The following TCF12 variants were observed in gnomAD, a reference collection of about 807,000 sequenced individuals.
TCF12 encodes the protein DNA-binding protein HTF4.
Under a neutral mutation model 86.0 loss-of-function variants are expected in TCF12, and 45 were observed. The ratio of observed to expected loss-of-function variants is 0.52; its 90% CI spans 0.41 to 0.67. TCF12 has a LOEUF of 0.67. Among genes scored for constraint, TCF12 ranks in the 30% least tolerant of loss-of-function variants. The pLI, the probability that TCF12 is intolerant of heterozygous loss-of-function variation, is 0.00. For synonymous variants in TCF12, 330 were observed against 299.6 expected (o/e 1.10, Z -1.05); for missense variants, 881 against 859.9 (o/e 1.02, Z -0.31).
At chr15:57,103,119 T>TA (rs1424554483) in intron 5 of TCF12, among the ~76,000 whole-genome samples, 7 of 152,062 alleles carry the variant, frequency 4.6e-5, no homozygotes, top group Admixed American at 2.0e-4. Context: ...TGCACAGTAA[T>TA]AAAAAAAGTA....
Position 57,275,302 on chromosome 15 carries a change from A to G in TCF12, c.1978+2040A>G, listed in dbSNP as rs529865114. Among the ~76,000 whole-genome samples the G allele has an allele frequency of 2.6e-4, 9 of 35,102 alleles. No homozygotes were observed. In the South Asian group the frequency reaches 8.4e-3, roughly 33 times the overall value. The allele number at this position is 35,102 out of a possible 152,430, so 23.0% of individuals were successfully genotyped here. ...GCCTTATCTTAGGACTTTACATAAA[A>G]GCCCAGGGATCTTTGTAAGGTAGGG... On this transcript the variant is annotated intron_variant, in intron 19 of 20. Transcript: ENST00000333725.
At position 57,232,781 on chromosome 15, in the gene TCF12, C is replaced by T. The variant is rs772390979; in HGVS notation, c.895C>T (p.Arg299Cys). The change falls in exon 11 of 21, where the codon CGC becomes TGC. Residue 299 changes from arginine (R) to cysteine (C), a missense_variant. Arg to Cys is a radical substitution (Grantham distance 180). Transcript: ENST00000333725. ...TSLPPMSSFH[R>C]GSTSSSPYVA... The stretch of plus-strand genomic sequence containing the variant: ...TCTTCCACCAATGTCCAGCTTTCAT[C>T]GCGGCAGTACCAGCAGTTCACCTTA... 5.0e-6 allele frequency: 8 copies of T among 1,612,624 alleles called. No individual in the cohort carries two copies. The Admixed American group carries it at 8.4e-5, about 17-fold the overall frequency.
chr15:57,016,864 C>G (rs1433379333), intron 3 of TCF12, among the ~76,000 whole-genome samples: 1 of 152,064 alleles, frequency 6.6e-6, no homozygotes, highest in Non-Finnish European at 1.5e-5. Context: ...ATTTATCTCT[C>G]CAGAGCAAAA....
downstream of TCF12, chr15:57,291,218 G>A (rs781317634): frequency 2.0e-5 from 3 of 151,766 alleles, no homozygotes; most frequent in Non-Finnish European, 2.9e-5. Context: ...AAAAGGGCAC[G>A]ATATTTGCAT....
At chr15:57,170,737 A>ATTATATATAAT (rs1567559372) in intron 6 of TCF12, among the ~76,000 whole-genome samples, 13 of 24,842 alleles carry the variant, frequency 5.2e-4, no homozygotes, top group South Asian at 1.9e-3. Flanking sequence ...TATTATATAT[A>ATTATATATAAT]ATATATATTA....
intron 3 of TCF12, among the ~76,000 whole-genome samples, chr15:56,996,457 A>G (rs1267741444): frequency 6.6e-6 from 1 of 152,204 alleles, no homozygotes; most frequent in Non-Finnish European, 1.5e-5. Context: ...AGAAGAATGA[A>G]ACTAGACCCC....
intron 6 of TCF12, among the ~76,000 whole-genome samples, chr15:57,176,174 G>C: frequency 6.6e-6 from 1 of 152,164 alleles, no homozygotes; most frequent in African/African-American, 2.4e-5. Flanking sequence ...CTCCAGCCTA[G>C]GTGACAGAAT....
Position 57,004,765 on chromosome 15 carries a change from C to T in TCF12, c.149-58985C>T, listed in dbSNP as rs1168420258. ...GAGATGGGGTTTCACCATGTTCATC[C>T]GTCTGGTCTCGAACTCCTGACCTCA... On this transcript the variant is annotated intron_variant, in intron 3 of 20. Transcript: ENST00000333725. Among the ~76,000 whole-genome samples the T allele has an allele frequency of 9.2e-5, 14 of 152,000 alleles. No individual in the cohort carries two copies. The East Asian group carries it at 1.4e-3, about 15-fold the overall frequency.
chr15:57,137,978 G>A (rs1256246276), intron 5 of TCF12, among the ~76,000 whole-genome samples: 6 of 152,094 alleles, frequency 3.9e-5, no homozygotes, highest in Non-Finnish European at 8.8e-5. Context: ...AGTGAGCCAA[G>A]ATAGCACCAT....
intron 5 of TCF12, among the ~76,000 whole-genome samples, chr15:57,111,677 T>C (rs1349862073): frequency 2.0e-5 from 3 of 150,322 alleles, no homozygotes; most frequent in Non-Finnish European, 4.4e-5. Context: ...CTGCAACCTC[T>C]GCCTACCGGG....
intron 6 of TCF12, among the ~76,000 whole-genome samples, chr15:57,178,804 T>C (rs769006728): frequency 6.6e-6 from 1 of 152,208 alleles, no homozygotes; most frequent in Non-Finnish European, 1.5e-5. Context: ...AAATCCCCTA[T>C]AGCATTTTTG....
intron 5 of TCF12, among the ~76,000 whole-genome samples, chr15:57,104,161 G>C (rs2049953347): frequency 1.3e-5 from 2 of 152,064 alleles, no homozygotes; most frequent in Admixed American, 1.3e-4. Flanking sequence ...GGTCTGATTG[G>C]AAGTTAGTAT....
chr15:57,247,310 T>C (rs1223112223), intron 13 of TCF12: 2 of 656,218 alleles, frequency 3.0e-6, no homozygotes, highest in Non-Finnish European at 5.6e-6. Context: ...TTCACCACCA[T>C]AGCCTCCTCT....
At chr15:57,097,298 T>C (rs2049393026) in intron 5 of TCF12, among the ~76,000 whole-genome samples, 2 of 151,594 alleles carry the variant, frequency 1.3e-5, no homozygotes, top group South Asian at 2.1e-4. Context: ...CTTTGGGAGG[T>C]AGGAGGATTG....
chr15:57,173,058 C>T (rs2055639029), intron 6 of TCF12, among the ~76,000 whole-genome samples: 1 of 152,128 alleles, frequency 6.6e-6, no homozygotes, highest in Non-Finnish European at 1.5e-5. Flanking sequence ...TGCTGCACTC[C>T]AGCCTGGGCA....
intron 8 of TCF12, among the ~76,000 whole-genome samples, chr15:57,201,447 G>C (rs983639935): frequency 1.3e-5 from 2 of 152,042 alleles, no homozygotes; most frequent in Non-Finnish European, 2.9e-5. Context: ...GACCAGACAG[G>C]TAAAAGGCCT....
At chr15:57,191,006 C>G (rs1175593888) in intron 6 of TCF12, among the ~76,000 whole-genome samples, 2 of 152,148 alleles carry the variant, frequency 1.3e-5, no homozygotes, top group Non-Finnish European at 2.9e-5. Flanking sequence ...ATTGGAGGGA[C>G]ATGACTTAAT....
intron 5 of TCF12, among the ~76,000 whole-genome samples, chr15:57,100,693 A>G (rs2049677802): frequency 2.6e-5 from 4 of 152,190 alleles, no homozygotes; most frequent in Non-Finnish European, 4.4e-5. Context: ...AATATGTTAT[A>G]AAGAATAGAA....
At chr15:57,203,449 C>T (rs940017810) in intron 8 of TCF12, among the ~76,000 whole-genome samples, 5 of 152,158 alleles carry the variant, frequency 3.3e-5, no homozygotes, top group Non-Finnish European at 7.4e-5. Context: ...CAGAACAAGT[C>T]TTTCCAAAAT....
Sources: allele counts gnomAD v4.1 joint callset (sites outside exome capture counted in the v4.1 genomes callset), GRCh38; gene constraint gnomAD v4.1.1; transcripts MANE v1.5; gene names NCBI Gene and HGNC (gene_info 2026-07-23, HGNC 2026-07-21).